The following SHCBP1L variants were observed in gnomAD, a reference collection of about 807,000 sequenced individuals.
The protein encoded by SHCBP1L is SHC binding and spindle associated 1 like, also known as testicular spindle-associated protein SHCBP1L.
Under a neutral mutation model 62.5 loss-of-function variants are expected in SHCBP1L, and 67 were observed. The observed-to-expected ratio is 1.07, with a 90% confidence interval of 0.88 to 1.31. The LOEUF is 1.31. SHCBP1L is among the 40% of genes most tolerant of loss of function. SHCBP1L has a pLI of 0.00. For synonymous variants in SHCBP1L, 284 were observed against 289.4 expected (o/e 0.98, Z 0.19); for missense variants, 823 against 809.8 (o/e 1.02, Z -0.20).
At position 182,939,512 on chromosome 1, in the gene SHCBP1L, T is replaced by C; in HGVS notation, c.812A>G (p.Glu271Gly). 1 of 1,608,972 alleles carries C rather than the reference T, an allele frequency of 6.2e-7. No homozygotes were observed. Among genetic ancestry groups the C allele is most frequent in the African/African-American group, 1.3e-5 (1 of 74,764 alleles). ...AAGTGCAGTATAATTCTCACAACTTTCTTCATCATCCCAGTCTCTCCAAAG... is the reference window on the plus strand; with the variant it reads ...AAGTGCAGTATAATTCTCACAACTTCCTTCATCATCCCAGTCTCTCCAAAG... ...DFLWRDWDDE[E>G]SCENYTALIE... is the part of the protein sequence containing the mutation. Residue 271 changes from glutamate to glycine, a missense_variant, in exon 4 of 10, where the codon GAA becomes GGA. By Grantham distance (98) the Glu-to-Gly change is moderately conservative (BLOSUM62 -2). Coordinates refer to ENST00000367547, the MANE Select transcript of SHCBP1L (RefSeq NM_030933.4).
chr1:182,900,749 G>C (rs1160391877), intron 9 of SHCBP1L, among the ~76,000 whole-genome samples: 1 of 152,098 alleles, frequency 6.6e-6, no homozygotes. Flanking sequence ...AATATTAAAT[G>C]AGCCAGGTGC....
intron 2 of SHCBP1L, among the ~76,000 whole-genome samples, chr1:182,947,637 T>C (rs1171988996): frequency 1.3e-5 from 2 of 152,186 alleles, no homozygotes; most frequent in Admixed American, 6.5e-5. Flanking sequence ...CTCCTTCTCC[T>C]CAGCCTATTA....
chr1:182,931,943 ATTTTTTTTTTT>A (rs1164377476), intron 5 of SHCBP1L, among the ~76,000 whole-genome samples: 13 of 69,656 alleles, frequency 1.9e-4, no homozygotes, highest in African/African-American at 5.6e-4. Context: ...GGAACCACTG[ATTTTTTTTTTT>A]TTTTTTTTTT....
intron 6 of SHCBP1L, among the ~76,000 whole-genome samples, chr1:182,914,260 T>C (rs1387846435): frequency 6.6e-6 from 1 of 151,608 alleles, no homozygotes; most frequent in Non-Finnish European, 1.5e-5. Flanking sequence ...GCTAAAGGAG[T>C]CCTTCAGACT....
At chr1:182,937,610 T>A (rs1013319438) in intron 5 of SHCBP1L, among the ~76,000 whole-genome samples, 4 of 152,216 alleles carry the variant, frequency 2.6e-5, no homozygotes, top group African/African-American at 9.6e-5. Flanking sequence ...TTTCTTCTGA[T>A]CCATTTGCTC....
At chr1:182,910,910 G>A (rs775526963) in intron 6 of SHCBP1L, among the ~76,000 whole-genome samples, 15 of 151,636 alleles carry the variant, frequency 9.9e-5, no homozygotes, top group South Asian at 4.2e-4. Flanking sequence ...TTTTTTTTGA[G>A]ATGGATCCAG....
intron 6 of SHCBP1L, among the ~76,000 whole-genome samples, chr1:182,928,245 C>T (rs757468599): frequency 6.6e-6 from 1 of 152,048 alleles, no homozygotes; most frequent in Non-Finnish European, 1.5e-5. Flanking sequence ...ATACTAACCT[C>T]TCTTGTTACA....
At chr1:182,918,578 T>A (rs1650432152) in intron 6 of SHCBP1L, among the ~76,000 whole-genome samples, 1 of 152,242 alleles carries the variant, frequency 6.6e-6, no homozygotes, top group Non-Finnish European at 1.5e-5. Flanking sequence ...ATAGCAATAC[T>A]ACTTACATTG....
intron 2 of SHCBP1L, among the ~76,000 whole-genome samples, chr1:182,947,718 T>G (rs1651610330): frequency 6.6e-6 from 1 of 152,230 alleles, no homozygotes; most frequent in African/African-American, 2.4e-5. Flanking sequence ...AAATATATTT[T>G]TCTCTTCCTT....
chr1:182,909,942 T>C (rs571116718), intron 6 of SHCBP1L, among the ~76,000 whole-genome samples: 6 of 152,162 alleles, frequency 3.9e-5, no homozygotes, highest in Non-Finnish European at 1.5e-5. Flanking sequence ...GAAGTGGAAA[T>C]AAATGCAGAT....
At chr1:182,948,681 G>A (rs754998704) in intron 2 of SHCBP1L, among the ~76,000 whole-genome samples, 7 of 152,174 alleles carry the variant, frequency 4.6e-5, no homozygotes, top group Non-Finnish European at 8.8e-5. Context: ...GCCACTGAGT[G>A]TGGTAATTTG....
rs16859831 is a variant in SHCBP1L at position 182,905,711 on chromosome 1, A to G, written c.1183-62T>C. The G allele has an allele frequency of 4.0e-3, 6,146 of 1,518,226 alleles. 228 individuals carry two copies. The African/African-American group carries it at 0.077, about 19-fold the overall frequency. The allele number at this position is 1,518,226 out of a possible 1,614,324, so 94.0% of individuals were successfully genotyped here. ...GGTTAAACTGAAACATGTCATTTTA[A>G]TCAGTTACTTACTGGACAAGTACTT... is the stretch of plus-strand genomic sequence containing the variant. On this transcript the variant is annotated intron_variant, in intron 6 of 9. Coordinates refer to ENST00000367547, the MANE Select transcript of SHCBP1L (RefSeq NM_030933.4).
rs1208032490 is a variant in SHCBP1L, at chr1:182,952,211, TATATATATATATATATATATATATACAC to T, written c.405+490_405+517del. ...AAAAAAATATATATATATATATATA[TATATATATATATATATATATATATACAC>T]ACACACACACACACACACACATTTA... On this transcript the variant is annotated intron_variant, in intron 1 of 9. Transcript: ENST00000367547. Among the ~76,000 whole-genome samples, 54 of 50,182 alleles carry T rather than the reference TATATATATATATATATATATATATACAC, an allele frequency of 1.1e-3. 2 individuals carry two copies. Among genetic ancestry groups the T allele is most frequent in the African/African-American group, 6.1e-3 (54 of 8,864 alleles). The allele number at this position is 50,182 out of a possible 152,430, so 32.9% of individuals were successfully genotyped here.
intron 6 of SHCBP1L, among the ~76,000 whole-genome samples, chr1:182,927,083 T>C (rs949221964): frequency 1.0e-4 from 5 of 47,970 alleles, no homozygotes; most frequent in Admixed American, 2.4e-4. Context: ...TATATATATA[T>C]ATATATATAT....
At chr1:182,943,124 C>CTG (rs972581959) in intron 2 of SHCBP1L, among the ~76,000 whole-genome samples, 1 of 151,688 alleles carries the variant, frequency 6.6e-6, no homozygotes, top group Non-Finnish European at 1.5e-5. Context: ...AGTTCTCTCT[C>CTG]TTTTTTTTAA....
chr1:182,903,597 G>C (rs1170102694), intron 8 of SHCBP1L, among the ~76,000 whole-genome samples: 1 of 151,796 alleles, frequency 6.6e-6, no homozygotes, highest in African/African-American at 2.4e-5. Flanking sequence ...TTCTCATTCA[G>C]TTCTCCAGTC....
intron 2 of SHCBP1L, among the ~76,000 whole-genome samples, chr1:182,949,863 G>A (rs1483175763): frequency 7.7e-6 from 1 of 129,956 alleles, no homozygotes; most frequent in Non-Finnish European, 1.6e-5. Context: ...GCCTCACTAT[G>A]TCACCCAGGC....
At chr1:182,950,211 AAACT>A (rs1208607051) in intron 2 of SHCBP1L, among the ~76,000 whole-genome samples, 3 of 152,252 alleles carry the variant, frequency 2.0e-5, no homozygotes, top group African/African-American at 4.8e-5. Context: ...ATACAGATTT[AAACT>A]AACTATCTGG....
chr1:182,951,275 G>C, intron 2 of SHCBP1L, 43 bp downstream of exon 2: 1 of 1,403,552 alleles, frequency 7.1e-7, no homozygotes, highest in Non-Finnish European at 9.5e-7. Flanking sequence ...GTCTTTAAAA[G>C]AACTGATTCA....
Sources: gnomAD v4.1 joint callset for allele counts (sites outside exome capture counted in the v4.1 genomes callset) on GRCh38, gnomAD v4.1.1 for gene constraint, MANE v1.5 for transcripts, NCBI Gene and HGNC (gene_info 2026-07-23, HGNC 2026-07-21) for gene names.